Variants in CDKL3 observed in about 807,000 individuals in gnomAD.
CDKL3 encodes the protein cyclin dependent kinase like 3.
A neutral mutation model predicts 69.3 loss-of-function variants in CDKL3; 65 were observed. That is an observed-to-expected ratio of 0.94 (90% CI 0.77 to 1.15). The LOEUF is 1.15. Ranked by LOEUF, CDKL3 falls within the 50% of genes most tolerant of loss-of-function variation. The probability of loss-of-function intolerance (pLI) is 0.00; values close to 1 mark genes in which losing one functional copy is unlikely to be tolerated. For synonymous variants in CDKL3, 202 were observed against 221.6 expected (o/e 0.91, Z 0.79); for missense variants, 652 against 689.2 (o/e 0.95, Z 0.61).
intron 5 of CDKL3, among the ~76,000 whole-genome samples, chr5:134,321,585 T>C (rs73289833): frequency 0.13 from 20,431 of 152,142 alleles, 1,645 homozygotes; most frequent in African/African-American, 0.21. Flanking sequence ...GCTTAGCTAT[T>C]TGCATCCTAG....
intron 8 of CDKL3, chr5:134,286,664 T>C (rs1764880488): frequency 6.6e-6 from 1 of 152,444 alleles, no homozygotes; most frequent in Non-Finnish European, 1.5e-5. Context: ...CAGCAAGTCA[T>C]GTCTTACATG....
At chr5:134,296,837 CTATT>C (rs761186927), downstream of CDKL3, among the ~76,000 whole-genome samples, 10 of 150,848 alleles carry the variant, frequency 6.6e-5, no homozygotes, top group Non-Finnish European at 1.3e-4. Flanking sequence ...ACACGGATCT[CTATT>C]CATTCAGAGG....
chr5:134,368,231 G>T (rs1455100592), upstream of CDKL3, among the ~76,000 whole-genome samples: 8 of 152,176 alleles, frequency 5.3e-5, no homozygotes, highest in Non-Finnish European at 1.0e-4. Flanking sequence ...AGCTTCTCAA[G>T]TTTTTTCTAT....
At chr5:134,298,134 G>A (rs1452689857), downstream of CDKL3, 5 of 378,092 alleles carry the variant, frequency 1.3e-5, no homozygotes, top group African/African-American at 6.7e-5. Flanking sequence ...GTGTTTCACC[G>A]TGTTGGTCAG....
At chr5:134,343,078 C>T (rs1750928965) in intron 4 of CDKL3, among the ~76,000 whole-genome samples, 1 of 151,708 alleles carries the variant, frequency 6.6e-6, no homozygotes, top group Non-Finnish European at 1.5e-5. Context: ...GGTGGTGCAC[C>T]CCTGTAGTCC....
intron 3 of CDKL3, among the ~76,000 whole-genome samples, chr5:134,354,997 A>AT (rs997664028): frequency 6.6e-5 from 10 of 151,748 alleles, no homozygotes; most frequent in Admixed American, 2.6e-4. Flanking sequence ...GCTCATGCCT[A>AT]TAATCCCAGC....
At chr5:134,346,043 G>T (rs1751783472) in intron 4 of CDKL3, among the ~76,000 whole-genome samples, 1 of 152,046 alleles carries the variant, frequency 6.6e-6, no homozygotes, top group Non-Finnish European at 1.5e-5. Flanking sequence ...GTGTATCACA[G>T]AAACCAGGAT....
In CDKL3 at chr5:134,319,159, C is replaced by T. The variant is rs3777374; in HGVS notation, c.792+199G>A. ...AACCACAGCCAACACGGTGAAACCC[C>T]GTCTCTACTGAAAATACAAAAATTA... On this transcript the variant is annotated intron_variant, in intron 6 of 12. Transcript: ENST00000265334. The T allele has an allele frequency of 1.2e-3, 465 of 390,114 alleles. 5 individuals carry two copies. In the East Asian group the frequency reaches 0.023, roughly 19 times the overall value. 24.2% of individuals were successfully genotyped at this position (390,114 alleles called of 1,614,324 possible).
intron 8 of CDKL3, among the ~76,000 whole-genome samples, chr5:134,291,289 C>T (rs1394796970): frequency 6.6e-6 from 1 of 151,992 alleles, no homozygotes; most frequent in Admixed American, 6.6e-5. Context: ...GAAGTCCAGG[C>T]TGGAAGGAGA....
chr5:134,346,589 C>A (rs535512934), intron 4 of CDKL3, among the ~76,000 whole-genome samples: 1 of 152,216 alleles, frequency 6.6e-6, no homozygotes, highest in East Asian at 1.9e-4. Flanking sequence ...CTCTGCCTCC[C>A]GGGTTCAAGC....
intron 4 of CDKL3, among the ~76,000 whole-genome samples, chr5:134,327,650 G>A (rs2149510325): frequency 6.6e-6 from 1 of 152,070 alleles, no homozygotes; most frequent in East Asian, 1.9e-4. Flanking sequence ...GAATAACACA[G>A]TTAGGAGATG....
In CDKL3 at chr5:134,367,002, T is replaced by C. The variant is rs1757597720; in HGVS notation, c.-47A>G. 2.0e-6 allele frequency: 2 copies of C among 989,710 alleles called. No homozygotes were observed. Among genetic ancestry groups the C allele is most frequent in the Non-Finnish European group, 2.4e-6 (2 of 832,900 alleles). 61.3% of individuals were successfully genotyped at this position (989,710 alleles called of 1,614,324 possible). On this transcript the variant is annotated 5_prime_UTR_variant, in exon 1 of 13. Coordinates refer to ENST00000265334, the MANE Select transcript of CDKL3 (RefSeq NM_001113575.2). ...CGGCGTCACGCCCCACGTCCCGCTG[T>C]TGACTTTATCCAAACAGCCGCCGCC... is the stretch of plus-strand genomic sequence containing the variant.
chr5:134,319,205 C>T (rs1381826202), intron 6 of CDKL3, 153 bp downstream of exon 6: 2 of 500,480 alleles, frequency 4.0e-6, no homozygotes, highest in South Asian at 7.4e-5. Flanking sequence ...GTGGCAGGTG[C>T]CTGTAATCCC....
chr5:134,313,940 C>T (rs1370945288), intron 6 of CDKL3, among the ~76,000 whole-genome samples: 3 of 151,536 alleles, frequency 2.0e-5, no homozygotes, highest in African/African-American at 4.8e-5. Flanking sequence ...GAGTTAGAGA[C>T]CAGCCTGACC....
At chr5:134,360,829 A>C (rs1755827481) in intron 2 of CDKL3, among the ~76,000 whole-genome samples, 1 of 152,180 alleles carries the variant, frequency 6.6e-6, no homozygotes, top group African/African-American at 2.4e-5. Context: ...TTATTCTCTA[A>C]TTTTAAACCT....
At chr5:134,358,302 C>T (rs1755111778) in intron 3 of CDKL3, among the ~76,000 whole-genome samples, 2 of 152,176 alleles carry the variant, frequency 1.3e-5, no homozygotes, top group Admixed American at 1.3e-4. Flanking sequence ...AATGGTACCC[C>T]ACCTGAATGC....
upstream of CDKL3, chr5:134,371,304 A>G (rs919176106): frequency 3.7e-6 from 2 of 537,810 alleles, no homozygotes; most frequent in Non-Finnish European, 6.7e-6. Flanking sequence ...AAATTTGTCT[A>G]TTACTTCAGG....
At chr5:134,351,603 A>G (rs1352526794) in intron 3 of CDKL3, among the ~76,000 whole-genome samples, 2 of 151,906 alleles carry the variant, frequency 1.3e-5, no homozygotes, top group Non-Finnish European at 2.9e-5. Context: ...CCTACAGCCT[A>G]CAGTATTAGG....
chr5:134,317,339 T>C (rs777039276), intron 6 of CDKL3, among the ~76,000 whole-genome samples: 2 of 152,180 alleles, frequency 1.3e-5, no homozygotes, highest in Non-Finnish European at 2.9e-5. Flanking sequence ...TTTCATCATG[T>C]TGGTCTGGCT....
Sources: gnomAD v4.1 joint callset for allele counts (sites outside exome capture counted in the v4.1 genomes callset) on GRCh38, gnomAD v4.1.1 for gene constraint, MANE v1.5 for transcripts, NCBI Gene and HGNC (gene_info 2026-07-23, HGNC 2026-07-21) for gene names.